GRM1: variants seen among roughly 807,000 people sequenced by gnomAD.
GRM1 encodes glutamate metabotropic receptor 1, also known as metabotropic glutamate receptor 1.
In GRM1, 33 loss-of-function variants were observed where a neutral mutation model predicts 90.9. That is an observed-to-expected ratio of 0.36 (90% CI 0.28 to 0.49). The LOEUF is 0.49. Among genes scored for constraint, GRM1 ranks in the 20% least tolerant of loss-of-function variants. The pLI, the probability that GRM1 is intolerant of heterozygous loss-of-function variation, is 0.99. For missense variants in GRM1, 1,190 were observed against 1,534.3 expected, an observed-to-expected ratio of 0.78 and a Z score of 3.75; for synonymous variants, 700 against 613.2, an observed-to-expected ratio of 1.14 and a Z score of -2.09.
Position 146,421,309 on chromosome 6 carries a change from A to C in GRM1, c.2661-12563A>C, listed in dbSNP as rs185413742. On this transcript the variant is annotated intron_variant, in intron 7 of 7. Transcript: ENST00000282753. ...ATTTTTTAAAGTGTGGTATTTGTTC[A>C]ATTTAGTTTAAGTGAATGAACTAGA... Among the ~76,000 whole-genome samples the C allele has an allele frequency of 2.6e-5, 4 of 152,292 alleles. No individual in the cohort carries two copies. The East Asian group carries it at 7.7e-4, about 29-fold the overall frequency.
At chr6:146,245,085 T>C (rs1443674468) in intron 2 of GRM1, among the ~76,000 whole-genome samples, 4 of 152,196 alleles carry the variant, frequency 2.6e-5, no homozygotes, top group African/African-American at 4.8e-5. Flanking sequence ...TCAAGGTTAA[T>C]TGCAGTCCCT....
chr6:146,431,199 A>C (rs1361001890), intron 7 of GRM1, among the ~76,000 whole-genome samples: 1 of 152,206 alleles, frequency 6.6e-6, no homozygotes, highest in Non-Finnish European at 1.5e-5. Flanking sequence ...TTTCCTAATT[A>C]AAAGTACTTT....
At chr6:146,295,390 A>AT (rs11309395) in intron 2 of GRM1, among the ~76,000 whole-genome samples, 54,094 of 146,130 alleles carry the variant, frequency 0.37, 11,471 homozygotes, top group South Asian at 0.58. Context: ...TGCCCGGCTA[A>AT]TTTTTTTTTT....
chr6:146,191,898 T>C (rs1213481960), intron 2 of GRM1, among the ~76,000 whole-genome samples: 6 of 152,230 alleles, frequency 3.9e-5, no homozygotes, highest in Non-Finnish European at 7.3e-5. Context: ...GGTTTCTCTC[T>C]GTGTTTAAAA....
At chr6:146,214,074 T>A (rs1251624117) in intron 2 of GRM1, among the ~76,000 whole-genome samples, 1 of 152,188 alleles carries the variant, frequency 6.6e-6, no homozygotes, top group Non-Finnish European at 1.5e-5. Flanking sequence ...TGCTCTATCC[T>A]GGGTCTCAGC....
In GRM1 at chr6:146,347,899, T is replaced by C. The variant is rs180717016; in HGVS notation, c.1187-4351T>C. On this transcript the variant is annotated intron_variant, in intron 3 of 7. Transcript: ENST00000282753. ...GAGCCTGCGTGCTGCTGCACTCAGG[T>C]AGCCGTTTATAGCCCTTGTTGAGCT... Among the ~76,000 whole-genome samples the C allele has an allele frequency of 9.8e-5, 15 of 152,324 alleles. No homozygotes were observed. The East Asian group carries it at 2.5e-3, about 26-fold the overall frequency.
At chr6:146,368,137 G>C (rs1775761667) in intron 5 of GRM1, among the ~76,000 whole-genome samples, 1 of 151,198 alleles carries the variant, frequency 6.6e-6, no homozygotes, top group Non-Finnish European at 1.5e-5. Context: ...AATGAAAAAT[G>C]CTTTTTTATT....
intron 3 of GRM1, 83 bp from the exon 4 acceptor site, chr6:146,352,167 C>G: frequency 2.1e-6 from 3 of 1,409,300 alleles, no homozygotes; most frequent in Non-Finnish European, 3.0e-6. Flanking sequence ...CTCTGAGAAC[C>G]CCCAAAAGCA....
chr6:146,257,941 A>T (rs1347692944), intron 2 of GRM1, among the ~76,000 whole-genome samples: 3 of 151,788 alleles, frequency 2.0e-5, no homozygotes, highest in African/African-American at 7.3e-5. Context: ...TAACCAACAC[A>T]TCCAGGATAC....
At chr6:146,084,321 G>A (rs1384144198) in intron 1 of GRM1, among the ~76,000 whole-genome samples, 1 of 151,852 alleles carries the variant, frequency 6.6e-6, no homozygotes. Context: ...TCTTTTAATT[G>A]TGATGTTAGG....
intron 2 of GRM1, among the ~76,000 whole-genome samples, chr6:146,228,838 G>A (rs568755461): frequency 4.5e-4 from 69 of 151,996 alleles, no homozygotes; most frequent in Admixed American, 8.5e-4. Context: ...CTATAAATGC[G>A]GCATCTAAAC....
chr6:146,165,154 A>G (rs1286356145), intron 2 of GRM1, among the ~76,000 whole-genome samples: 1 of 152,068 alleles, frequency 6.6e-6, no homozygotes, highest in African/African-American at 2.4e-5. Flanking sequence ...CACATCAAAC[A>G]CACGTGTAAA....
intron 2 of GRM1, among the ~76,000 whole-genome samples, chr6:146,264,663 A>G (rs2114801628): frequency 6.6e-6 from 1 of 152,004 alleles, no homozygotes; most frequent in South Asian, 2.1e-4. Flanking sequence ...ACAAAAGGCA[A>G]TTTTTCAGCC....
chr6:146,074,572 T>C (rs1776121838), intron 1 of GRM1, among the ~76,000 whole-genome samples: 1 of 152,176 alleles, frequency 6.6e-6, no homozygotes, highest in African/African-American at 2.4e-5. Flanking sequence ...GTGCCCAGGA[T>C]TGCAGTCACC....
At chr6:146,112,234 A>G (rs530801310) in intron 1 of GRM1, among the ~76,000 whole-genome samples, 24 of 151,952 alleles carry the variant, frequency 1.6e-4, no homozygotes, top group Non-Finnish European at 5.9e-5. Context: ...CTTGATCTAT[A>G]TTTAATTACC....
chr6:146,271,496 G>C (rs1434990000), intron 2 of GRM1, among the ~76,000 whole-genome samples: 2 of 152,180 alleles, frequency 1.3e-5, no homozygotes, highest in Non-Finnish European at 2.9e-5. Flanking sequence ...AGGGGCCTCT[G>C]AGGGAATCCT....
In GRM1 at chr6:146,344,681, A is replaced by G. The variant is rs142355212; in HGVS notation, c.1187-7569A>G. On this transcript the variant is annotated intron_variant, in intron 3 of 7. Transcript: ENST00000282753. ...AAAAGGCAACATTAAAGAAATCCTC[A>G]CAATTACGACACTGAGACAGAGTGT... Among the ~76,000 whole-genome samples, 1,096 of 152,370 alleles carry G rather than the reference A, an allele frequency of 7.2e-3. 17 individuals carry two copies. Among genetic ancestry groups the G allele is most frequent in the African/African-American group, 0.025 (1,047 of 41,586 alleles).
At chr6:146,196,524 C>T (rs1407933816) in intron 2 of GRM1, among the ~76,000 whole-genome samples, 2 of 131,894 alleles carry the variant, frequency 1.5e-5, no homozygotes, top group Non-Finnish European at 3.1e-5. Flanking sequence ...CCAGGATGGT[C>T]TCGATCTCCT....
chr6:146,250,330 C>G (rs1304944375), intron 2 of GRM1, among the ~76,000 whole-genome samples: 10 of 152,142 alleles, frequency 6.6e-5, no homozygotes, highest in Non-Finnish European at 7.3e-5. Context: ...TTGCAATCAC[C>G]ATAATCCTTA....
Sources: gnomAD v4.1 joint callset for allele counts (sites outside exome capture counted in the v4.1 genomes callset) on GRCh38, gnomAD v4.1.1 for gene constraint, MANE v1.5 for transcripts, NCBI Gene and HGNC (gene_info 2026-07-23, HGNC 2026-07-21) for gene names.